The following OCA2 variants were observed in gnomAD, a reference collection of about 807,000 sequenced individuals.
The protein encoded by OCA2 is P protein.
A neutral mutation model predicts 100.2 loss-of-function variants in OCA2; 77 were observed. The ratio of observed to expected loss-of-function variants is 0.77; its 90% CI spans 0.64 to 0.93. The LOEUF is 0.93. Ranked by LOEUF, OCA2 falls within the 40% of genes least tolerant of loss-of-function variation. The pLI, the probability that OCA2 is intolerant of heterozygous loss-of-function variation, is 0.00. For synonymous variants in OCA2, 432 were observed against 439.2 expected, an observed-to-expected ratio of 0.98 and a Z score of 0.21; for missense variants, 1,062 against 1,089.1, an observed-to-expected ratio of 0.98 and a Z score of 0.35.
chr15:27,765,633 G>A (rs1002107180), intron 23 of OCA2, among the ~76,000 whole-genome samples: 7 of 152,222 alleles, frequency 4.6e-5, no homozygotes, highest in African/African-American at 1.7e-4. Context: ...CTGGAAGGCT[G>A]TAATCTTGAG....
intron 22 of OCA2, among the ~76,000 whole-genome samples, chr15:27,850,201 G>A (rs2035695212): frequency 6.6e-6 from 1 of 152,120 alleles, no homozygotes; most frequent in South Asian, 2.1e-4. Context: ...TTCCCTGTCT[G>A]CAGAACCTCC....
At chr15:27,781,508 T>A (rs2151089672) in intron 23 of OCA2, among the ~76,000 whole-genome samples, 1 of 152,334 alleles carries the variant, frequency 6.6e-6, no homozygotes, top group South Asian at 2.1e-4. Flanking sequence ...TCCCAGCACC[T>A]TACCATTGAT....
At chr15:27,840,788 T>C (rs1317779065) in intron 23 of OCA2, among the ~76,000 whole-genome samples, 2 of 152,124 alleles carry the variant, frequency 1.3e-5, no homozygotes, top group Admixed American at 1.3e-4. Context: ...AACATGAACG[T>C]AAATGTAACA....
chr15:28,003,798 C>T (rs555997377), intron 9 of OCA2, among the ~76,000 whole-genome samples: 4 of 152,224 alleles, frequency 2.6e-5, no homozygotes, highest in South Asian at 4.1e-4. Context: ...AGCCTGCTCG[C>T]GTCCTCGATC....
chr15:28,070,303 A>C (rs2044198022), intron 2 of OCA2, among the ~76,000 whole-genome samples: 1 of 141,108 alleles, frequency 7.1e-6, no homozygotes. Flanking sequence ...CCCGTCCGGG[A>C]GGGAGGTGGG....
intron 23 of OCA2, among the ~76,000 whole-genome samples, chr15:27,831,159 GCCTGTAATC>G (rs2034934678): frequency 6.6e-6 from 1 of 151,832 alleles, no homozygotes; most frequent in Non-Finnish European, 1.5e-5. Flanking sequence ...GGTGGCACGT[GCCTGTAATC>G]CCACCTACTC....
chr15:27,896,029 T>C (rs2037673808), intron 19 of OCA2: 6 of 1,084,014 alleles, frequency 5.5e-6, no homozygotes, highest in African/African-American at 1.5e-5. Context: ...CTCAATAGGT[T>C]TGGCATGGAA....
At chr15:27,810,866 A>C (rs747497061) in intron 23 of OCA2, among the ~76,000 whole-genome samples, 1 of 152,184 alleles carries the variant, frequency 6.6e-6, no homozygotes, top group Non-Finnish European at 1.5e-5. Context: ...AAAAGTCAAA[A>C]AACAATAGAT....
chr15:28,067,627 C>T (rs2044065624), intron 2 of OCA2, among the ~76,000 whole-genome samples: 1 of 151,780 alleles, frequency 6.6e-6, no homozygotes, highest in East Asian at 1.9e-4. Flanking sequence ...GTTTAATTTC[C>T]ATGTATTTTT....
chr15:27,942,772 T>C (rs2039696205), intron 18 of OCA2, among the ~76,000 whole-genome samples: 2 of 152,176 alleles, frequency 1.3e-5, no homozygotes, highest in South Asian at 2.1e-4. Flanking sequence ...ACGGTGAGGA[T>C]AGTAAGGAAA....
At chr15:28,004,522 A>C (rs2042030270) in intron 9 of OCA2, among the ~76,000 whole-genome samples, 1 of 151,902 alleles carries the variant, frequency 6.6e-6, no homozygotes, top group South Asian at 2.1e-4. Context: ...CACCTCACAT[A>C]CACGGTCTCA....
chr15:27,936,501 A>C (rs908355531), intron 18 of OCA2, among the ~76,000 whole-genome samples: 2 of 152,140 alleles, frequency 1.3e-5, no homozygotes, highest in African/African-American at 4.8e-5. Context: ...CATTTTTTAT[A>C]ATCTTCGTGT....
intron 19 of OCA2, among the ~76,000 whole-genome samples, chr15:27,915,942 A>G (rs1227372730): frequency 6.6e-6 from 1 of 152,212 alleles, no homozygotes; most frequent in Non-Finnish European, 1.5e-5. Flanking sequence ...CATGGAATCA[A>G]TCTAAATGCC....
chr15:27,990,757 T>TA, intron 9 of OCA2, 110 bp from the exon 10 acceptor site: 1 of 912,700 alleles, frequency 1.1e-6, no homozygotes, highest in African/African-American at 1.6e-5. Context: ...GTACCACATC[T>TA]ATTCAAATGA....
chr15:27,957,858 C>G lies in OCA2; in HGVS notation c.1637-123G>C. On this transcript the variant is annotated intron_variant, in intron 15 of 23. Coordinates refer to ENST00000354638, the MANE Select transcript of OCA2 (RefSeq NM_000275.3). This position sits in a 1 kb window ranked among gnomAD's most constrained non-coding sequence, Gnocchi z 4.3. The stretch of plus-strand genomic sequence containing the variant: ...ACACACACTCGAGACGTGCAGGTAG[C>G]CCAGGGTCACCCAGAGCTTCTCAGC... The G allele has an allele frequency of 9.3e-7, 1 of 1,078,802 alleles. No individual in the cohort carries two copies. Among genetic ancestry groups the G allele is most frequent in the South Asian group, 1.3e-5 (1 of 75,652 alleles). The allele number at this position is 1,078,802 out of a possible 1,614,324, so 66.8% of individuals were successfully genotyped here.
At chr15:27,853,535 G>C (rs1437031585) in intron 21 of OCA2, among the ~76,000 whole-genome samples, 1 of 150,134 alleles carries the variant, frequency 6.7e-6, no homozygotes, top group Non-Finnish European at 1.5e-5. Flanking sequence ...TAACTAACCT[G>C]CACAATGTGC....
chr15:27,958,606 C>T (rs190275622), intron 15 of OCA2, among the ~76,000 whole-genome samples: 6 of 152,340 alleles, frequency 3.9e-5, no homozygotes, highest in Admixed American at 3.3e-4. Flanking sequence ...TGAATTCAGA[C>T]ACCTTCTGAT....
chr15:27,781,293 C>T (rs1263525591), intron 23 of OCA2, among the ~76,000 whole-genome samples: 2 of 152,212 alleles, frequency 1.3e-5, no homozygotes, highest in Non-Finnish European at 2.9e-5. Context: ...GTCCAGCACA[C>T]CCAGTTCCTA....
chr15:27,783,499 T>C (rs2032651108), intron 23 of OCA2, among the ~76,000 whole-genome samples: 1 of 152,164 alleles, frequency 6.6e-6, no homozygotes, highest in Non-Finnish European at 1.5e-5. Context: ...GAGGTGTTGA[T>C]GCAACTGATT....
Sources: allele counts gnomAD v4.1 joint callset (sites outside exome capture counted in the v4.1 genomes callset), GRCh38; gene constraint gnomAD v4.1.1; non-coding constraint Gnocchi (gnomAD v3.1); transcripts MANE v1.5; gene names NCBI Gene and HGNC (gene_info 2026-07-23, HGNC 2026-07-21).